Variants in EBF3 observed in about 807,000 individuals in gnomAD.
EBF3 encodes transcription factor COE3.
In EBF3, 18 loss-of-function variants were observed where a neutral mutation model predicts 77.1. The observed-to-expected ratio is 0.23, with a 90% confidence interval of 0.16 to 0.35. The LOEUF is 0.35. Ranked by LOEUF, EBF3 falls within the 10% of genes least tolerant of loss-of-function variation. EBF3 has a pLI of 1.00. For synonymous variants in EBF3, 350 were observed against 343.5 expected (o/e 1.02, Z -0.21); for missense variants, 558 against 860.0 (o/e 0.65, Z 4.39).
At chr10:129,875,125 G>T (rs992626510) in intron 7 of EBF3, among the ~76,000 whole-genome samples, 1 of 150,538 alleles carries the variant, frequency 6.6e-6, no homozygotes, top group East Asian at 1.9e-4. Flanking sequence ...ATTTTCAGGG[G>T]TTTAACAAAG....
chr10:129,839,240 A>C, intron 15 of EBF3, 45 bp from the exon 16 acceptor site: 2 of 930,026 alleles, frequency 2.2e-6, no homozygotes, highest in South Asian at 1.4e-5. Context: ...GAATGGGTTC[A>C]TGTTTCTAAA....
rs562761137 is a variant in EBF3, at chr10:129,898,786, T to C, written c.555-20937A>G. The stretch of plus-strand genomic sequence containing the variant: ...CATCTGCCAAGCTGGTCCCAGCCTC[T>C]TAGACCCCTCATTTCTCAAAGTGAC... On this transcript the variant is annotated intron_variant, in intron 6 of 16. Coordinates refer to ENST00000440978, the MANE Select transcript of EBF3 (RefSeq NM_001375380.1). 1.1e-4 allele frequency among the ~76,000 whole-genome samples: 16 copies of C among 152,306 alleles called. 2 individuals are homozygous for C. Among genetic ancestry groups the C allele is most frequent in the African/African-American group, 3.8e-4 (16 of 41,578 alleles).
intron 8 of EBF3, among the ~76,000 whole-genome samples, chr10:129,869,062 T>G (rs1306273273): frequency 6.6e-6 from 1 of 152,182 alleles, no homozygotes; most frequent in Non-Finnish European, 1.5e-5. Context: ...GGTGGCCTCT[T>G]CGATGTACAG....
intron 6 of EBF3, among the ~76,000 whole-genome samples, chr10:129,939,960 C>T (rs1490534966): frequency 6.6e-6 from 1 of 152,236 alleles, no homozygotes; most frequent in Admixed American, 6.5e-5. Context: ...TGGCCCACGT[C>T]CCCCTCTAGA....
At chr10:129,904,403 T>G (rs980953468) in intron 6 of EBF3, among the ~76,000 whole-genome samples, 1 of 152,192 alleles carries the variant, frequency 6.6e-6, no homozygotes, top group African/African-American at 2.4e-5. Flanking sequence ...TGGAGATGGA[T>G]GGATGGACAG....
chr10:129,867,353 G>T, intron 9 of EBF3, 86 bp from the exon 10 acceptor site: 16 of 1,575,366 alleles, frequency 1.0e-5, no homozygotes, highest in Non-Finnish European at 1.4e-5. Flanking sequence ...TTACCAAAAT[G>T]AGCACAAATT....
intron 6 of EBF3, among the ~76,000 whole-genome samples, chr10:129,915,165 AC>A (rs1427447648): frequency 6.6e-6 from 1 of 152,094 alleles, no homozygotes; most frequent in African/African-American, 2.4e-5. Flanking sequence ...CTGGACATTC[AC>A]TTATCTAGAC....
Position 129,963,666 on chromosome 10 carries a change from C to A in EBF3, c.103G>T (p.Gly35Cys). ...GCGGCCGTGTTGGCGTCCACCACGC[C>A]CGCCGTGTGCATCCACGAGCGCACC... is the stretch of plus-strand genomic sequence containing the variant. The part of the protein sequence containing the change: ...NPVRSWMHTA[G>C]VVDANTAAQS... Residue 35 changes from glycine (G) to cysteine (C), a missense_variant, in exon 1 of 17, where the codon GGC becomes TGC. Physicochemically the swap from Gly to Cys is radical, Grantham distance 159. This residue lies in a region of EBF3 where 64 missense variants were observed against 54.5 expected (regional missense o/e 1.18). Transcript: ENST00000440978. The surrounding 1 kb of genome is among the most constrained non-coding windows in gnomAD (Gnocchi z 7.1). 6.6e-6 allele frequency: 10 copies of A among 1,507,044 alleles called. No individual in the cohort carries two copies. The highest frequency in any genetic ancestry group is 8.0e-6 in the Non-Finnish European group (9 of 1,120,082). 93.4% of individuals were successfully genotyped at this position (1,507,044 alleles called of 1,614,324 possible). A position where few individuals can be genotyped will look rare whatever the true frequency, so the allele number is the denominator to read the frequency against.
chr10:129,921,526 GACC>G (rs1427432516), intron 6 of EBF3, among the ~76,000 whole-genome samples: 1 of 152,184 alleles, frequency 6.6e-6, no homozygotes, highest in Non-Finnish European at 1.5e-5. Context: ...CAGGCCCAAG[GACC>G]ACAAGAAAGG....
chr10:129,922,679 A>G (rs753057522), intron 6 of EBF3, among the ~76,000 whole-genome samples: 37 of 152,216 alleles, frequency 2.4e-4, no homozygotes, highest in Non-Finnish European at 2.8e-4. Flanking sequence ...TGCCAGCCAC[A>G]AGGACCCTTC....
intron 3 of EBF3, 47 bp from the exon 4 acceptor site, chr10:129,962,273 C>G: frequency 1.3e-6 from 2 of 1,596,642 alleles, no homozygotes; most frequent in Non-Finnish European, 8.6e-7. Context: ...GAGTGCTGCA[C>G]CTCGGGGAGG....
In EBF3 at chr10:129,841,426, C is replaced by T. The variant is rs1850044303; in HGVS notation, c.1373-394G>A. On this transcript the variant is annotated intron_variant, in intron 13 of 16. Transcript: ENST00000440978. This position sits in a 1 kb window ranked among gnomAD's most constrained non-coding sequence, Gnocchi z 4.6. ...GAGCTTGTTTGTGGCCGTAACTTCC[C>T]CTGAAAGGCTGTTTGGGGGTCTTCA... 6.6e-6 allele frequency among the ~76,000 whole-genome samples: 1 copy of T among 152,154 alleles called. No homozygotes were observed. The highest frequency in any genetic ancestry group is 6.5e-5 in the Admixed American group (1 of 15,278).
intron 10 of EBF3, among the ~76,000 whole-genome samples, chr10:129,853,050 G>T (rs1330187326): frequency 6.6e-6 from 1 of 152,204 alleles, no homozygotes; most frequent in African/African-American, 2.4e-5. Context: ...GAGCTTAATT[G>T]TGATGGCAAC....
At chr10:129,955,698 A>G (rs933053390) in intron 6 of EBF3, among the ~76,000 whole-genome samples, 1 of 152,374 alleles carries the variant, frequency 6.6e-6, no homozygotes, top group African/African-American at 2.4e-5. Flanking sequence ...CACAGCATCC[A>G]AAATGTGAGC....
At chr10:129,888,274 G>A (rs548308277) in intron 6 of EBF3, among the ~76,000 whole-genome samples, 2 of 152,230 alleles carry the variant, frequency 1.3e-5, no homozygotes, top group African/African-American at 2.4e-5. Context: ...TGAAGGGCCC[G>A]AGGCGGTGGC....
intron 10 of EBF3, among the ~76,000 whole-genome samples, chr10:129,858,844 G>A (rs185267764): frequency 9.9e-5 from 15 of 152,270 alleles, no homozygotes; most frequent in African/African-American, 3.6e-4. Flanking sequence ...CAAGAGTGCA[G>A]GGAGAGGGTG....
intron 8 of EBF3, 120 bp downstream of exon 8, chr10:129,873,332 G>A (rs1033702535): frequency 9.9e-6 from 12 of 1,211,952 alleles, no homozygotes; most frequent in Non-Finnish European, 1.2e-5. Context: ...CTGCCTTGGT[G>A]CAGGAGGTCT....
chr10:129,958,756 T>TG (rs1036158232), intron 5 of EBF3, among the ~76,000 whole-genome samples, 178 bp downstream of exon 5: 1 of 152,102 alleles, frequency 6.6e-6, no homozygotes, highest in East Asian at 1.9e-4. Context: ...TCGTCAGCGC[T>TG]GGGGGGAAGG....
rs1854468212 is a variant in EBF3 at position 129,897,356 on chromosome 10, CA to C, written c.555-19508del. Among the ~76,000 whole-genome samples the C allele has an allele frequency of 6.6e-6, 1 of 152,176 alleles. No individual in the cohort carries two copies. Among genetic ancestry groups the C allele is most frequent in the Non-Finnish European group, 1.5e-5 (1 of 68,034 alleles). The stretch of plus-strand genomic sequence containing the variant: ...GTTCTTGGGGGTACACCAGTGGCCC[CA>C]GGACCTTTGTGGAACCAGAGCAGAG... On this transcript the variant is annotated intron_variant, in intron 6 of 16. Coordinates refer to ENST00000440978, the MANE Select transcript of EBF3 (RefSeq NM_001375380.1). The surrounding 1 kb of genome is among the most constrained non-coding windows in gnomAD (Gnocchi z 4.6).
Sources: gnomAD v4.1 joint callset for allele counts (sites outside exome capture counted in the v4.1 genomes callset) on GRCh38, gnomAD v4.1.1 for gene constraint, gnomAD v4.1.1 regional missense constraint, Gnocchi (gnomAD v3.1) non-coding constraint, MANE v1.5 for transcripts, NCBI Gene and HGNC (gene_info 2026-07-23, HGNC 2026-07-21) for gene names.